The following DOCK4 variants were observed in gnomAD, a reference collection of about 807,000 sequenced individuals.
DOCK4 encodes dedicator of cytokinesis protein 4.
In DOCK4, 97 loss-of-function variants were observed where a neutral mutation model predicts 268.1. The ratio of observed to expected loss-of-function variants is 0.36; its 90% CI spans 0.31 to 0.43. The LOEUF (loss-of-function observed/expected upper bound fraction) is 0.43. Among genes scored for constraint, DOCK4 ranks in the 20% least tolerant of loss-of-function variants. The pLI is 1.00. For missense variants in DOCK4, 2,145 were observed against 2,455.7 expected (o/e 0.87, Z 2.67); for synonymous variants, 954 against 887.2 (o/e 1.08, Z -1.34).
intron 8 of DOCK4, among the ~76,000 whole-genome samples, chr7:111,947,599 A>AT (rs1795721993): frequency 6.6e-6 from 1 of 152,228 alleles, no homozygotes; most frequent in Admixed American, 6.5e-5. Flanking sequence ...AATGACACCT[A>AT]TACTGAGGGT....
intron 30 of DOCK4, among the ~76,000 whole-genome samples, chr7:111,794,009 G>T (rs753394361): frequency 2.0e-5 from 3 of 152,166 alleles, no homozygotes; most frequent in Non-Finnish European, 4.4e-5. Context: ...GCTGTCAGTG[G>T]TGGTGGCCAA....
chr7:111,910,055 G>A (rs1347336076), intron 13 of DOCK4, among the ~76,000 whole-genome samples: 1 of 152,018 alleles, frequency 6.6e-6, no homozygotes, highest in Non-Finnish European at 1.5e-5. Flanking sequence ...ATAAATGATG[G>A]GTTCCCTAAC....
At chr7:111,741,898 C>T in intron 45 of DOCK4, 115 bp downstream of exon 45, 13 of 1,390,760 alleles carry the variant, frequency 9.3e-6, no homozygotes, top group Non-Finnish European at 1.2e-5. Context: ...CCTGGTAAAA[C>T]AGTGCAGTTT....
At position 111,869,652 on chromosome 7, in the gene DOCK4, A is replaced by C. The variant is rs1354650477; in HGVS notation, c.2031T>G (p.Asp677Glu). Reference sequence around the variant, plus strand: ...CGTACCATTTGAGCACTTTGATGAGATCTCTAAAATACAGGGGAAAATGTG... The same window carrying C: ...CGTACCATTTGAGCACTTTGATGAGCTCTCTAAAATACAGGGGAAAATGTG... ...SHFAGALAYRDLIKVLKWYVD... is the reference protein window; with the variant it reads ...SHFAGALAYRELIKVLKWYVD... The change falls in exon 21 of 53, where the codon GAT becomes GAG. Residue 677 changes from aspartate to glutamate, a missense_variant. This residue lies in a region of DOCK4 where 1,598 missense variants were observed against 1,986.7 expected (regional missense o/e 0.80). Coordinates refer to ENST00000428084, the MANE Select transcript of DOCK4 (RefSeq NM_001363540.2). 6.2e-7 allele frequency: 1 copy of C among 1,612,846 alleles called. No homozygotes were observed. The highest frequency in any genetic ancestry group is 8.5e-7 in the Non-Finnish European group (1 of 1,179,068).
In DOCK4 at chr7:112,000,553, G is replaced by A. The variant is rs747022693; in HGVS notation, c.122-19C>T. 22 of 1,517,392 alleles carry A rather than the reference G, an allele frequency of 1.4e-5. No individual in the cohort carries two copies. The highest frequency in any genetic ancestry group is 4.6e-5 in the East Asian group (2 of 43,050). 94.0% of individuals were successfully genotyped at this position (1,517,392 alleles called of 1,614,324 possible). ...TACCAGCCTGTGGAAAAATAATCAT[G>A]GTCATATTTTGATAAACCATTGTAA... is the stretch of plus-strand genomic sequence containing the variant. On this transcript the variant is annotated intron_variant, in intron 2 of 52. Transcript: ENST00000428084.
At chr7:111,934,790 C>T (rs1380863244) in intron 12 of DOCK4, among the ~76,000 whole-genome samples, 2 of 151,220 alleles carry the variant, frequency 1.3e-5, no homozygotes, top group Non-Finnish European at 2.9e-5. Context: ...CCGCCCGCCT[C>T]GGCCTCCCAA....
At chr7:111,982,519 A>G in intron 7 of DOCK4, among the ~76,000 whole-genome samples, 1 of 152,238 alleles carries the variant, frequency 6.6e-6, no homozygotes, top group East Asian at 1.9e-4. Context: ...CATTTTACAT[A>G]TATTTCTTAT....
At chr7:111,786,246 C>A (rs921025037) in intron 32 of DOCK4, among the ~76,000 whole-genome samples, 2 of 152,272 alleles carry the variant, frequency 1.3e-5, no homozygotes, top group East Asian at 3.9e-4. Flanking sequence ...GTTACTTCTT[C>A]TGGAAAGCCC....
At chr7:111,908,894 G>A (rs1418409272) in intron 13 of DOCK4, among the ~76,000 whole-genome samples, 2 of 152,158 alleles carry the variant, frequency 1.3e-5, no homozygotes, top group African/African-American at 2.4e-5. Context: ...GTATTCCATG[G>A]TGTATATGTG....
At chr7:111,743,186 G>A (rs1796044533) in intron 44 of DOCK4, among the ~76,000 whole-genome samples, 1 of 152,162 alleles carries the variant, frequency 6.6e-6, no homozygotes, top group African/African-American at 2.4e-5. Flanking sequence ...AGCAGCAGCT[G>A]TCTTTTGTAT....
At chr7:111,787,840 C>A (rs1036919263) in intron 32 of DOCK4, among the ~76,000 whole-genome samples, 1 of 152,138 alleles carries the variant, frequency 6.6e-6, no homozygotes, top group Non-Finnish European at 1.5e-5. Flanking sequence ...TTTTCAAGCA[C>A]AATAAGCAAA....
chr7:112,184,607 A>G (rs939099802), intron 1 of DOCK4, among the ~76,000 whole-genome samples: 4 of 152,042 alleles, frequency 2.6e-5, no homozygotes, highest in Non-Finnish European at 4.4e-5. Context: ...GACTCTCCTC[A>G]TAAAAACCCC....
At chr7:111,794,282 G>A (rs917277905) in intron 30 of DOCK4, among the ~76,000 whole-genome samples, 2 of 152,184 alleles carry the variant, frequency 1.3e-5, no homozygotes, top group Non-Finnish European at 2.9e-5. Flanking sequence ...GCATGTTTGA[G>A]GTACTTCTAA....
chr7:111,928,323 G>A (rs1031571313), intron 12 of DOCK4, among the ~76,000 whole-genome samples: 3 of 152,182 alleles, frequency 2.0e-5, no homozygotes, highest in Non-Finnish European at 2.9e-5. Flanking sequence ...CTTGCAAACA[G>A]TATTGCTAGT....
chr7:111,830,424 TCAAAA>T (rs60548599), intron 26 of DOCK4, among the ~76,000 whole-genome samples: 23 of 150,890 alleles, frequency 1.5e-4, no homozygotes, highest in Admixed American at 8.6e-4. Context: ...AGACTCATTC[TCAAAA>T]CAAAACAAAA....
intron 23 of DOCK4, among the ~76,000 whole-genome samples, chr7:111,854,366 C>T (rs1293002467): frequency 1.3e-5 from 2 of 152,206 alleles, no homozygotes; most frequent in Non-Finnish European, 2.9e-5. Flanking sequence ...CATGCAGCCC[C>T]CTGCCTGCTC....
intron 10 of DOCK4, among the ~76,000 whole-genome samples, chr7:111,943,075 C>T (rs1468559164): frequency 6.6e-6 from 1 of 152,194 alleles, no homozygotes; most frequent in African/African-American, 2.4e-5. Flanking sequence ...TGTATTTTAC[C>T]TTAATCTCAC....
At chr7:112,130,182 C>T (rs1419267049) in intron 1 of DOCK4, among the ~76,000 whole-genome samples, 1 of 152,182 alleles carries the variant, frequency 6.6e-6, no homozygotes, top group Non-Finnish European at 1.5e-5. Context: ...GCCTGGACAG[C>T]ATCCCAGTCT....
At chr7:112,201,369 A>T (rs1268491249) in intron 1 of DOCK4, among the ~76,000 whole-genome samples, 1 of 152,170 alleles carries the variant, frequency 6.6e-6, no homozygotes, top group African/African-American at 2.4e-5. Context: ...TATTTTTTAA[A>T]TGACACTGTG....
Sources: gnomAD v4.1 joint callset for allele counts (sites outside exome capture counted in the v4.1 genomes callset) on GRCh38, gnomAD v4.1.1 for gene constraint, gnomAD v4.1.1 regional missense constraint, MANE v1.5 for transcripts, NCBI Gene and HGNC (gene_info 2026-07-23, HGNC 2026-07-21) for gene names.